The following EPHA7 variants were observed in gnomAD, a reference collection of about 807,000 sequenced individuals.
The protein encoded by EPHA7 is EPH receptor A7.
A neutral mutation model predicts 112.6 loss-of-function variants in EPHA7; 25 were observed. The observed-to-expected ratio is 0.22, with a 90% CI of 0.16 to 0.31. EPHA7 has a LOEUF of 0.31. Ranked by LOEUF, EPHA7 falls within the 10% of genes least tolerant of loss-of-function variation. EPHA7 has a pLI of 1.00. For missense variants in EPHA7, 962 were observed against 1,212.6 expected, an observed-to-expected ratio of 0.79 and a Z score of 3.07; for synonymous variants, 437 against 406.5, an observed-to-expected ratio of 1.07 and a Z score of -0.90.
intron 5 of EPHA7, among the ~76,000 whole-genome samples, chr6:93,292,819 T>C (rs2127838891): frequency 6.6e-6 from 1 of 152,280 alleles, no homozygotes; most frequent in South Asian, 2.1e-4. Context: ...CTACAGGTGA[T>C]AAGACTGGAA....
chr6:93,389,778 T>G (rs1777810368), intron 3 of EPHA7, among the ~76,000 whole-genome samples: 1 of 151,908 alleles, frequency 6.6e-6, no homozygotes, highest in African/African-American at 2.4e-5. Flanking sequence ...GATATTGGAA[T>G]CTGAGTCCAC....
At chr6:93,253,269 T>G (rs556824419) in intron 14 of EPHA7, among the ~76,000 whole-genome samples, 1 of 152,128 alleles carries the variant, frequency 6.6e-6, no homozygotes, top group Admixed American at 6.5e-5. Flanking sequence ...CATTTAGACT[T>G]TTATCTTTGA....
chr6:93,314,548 C>T (rs1447175045), intron 5 of EPHA7, among the ~76,000 whole-genome samples: 1 of 152,074 alleles, frequency 6.6e-6, no homozygotes, highest in Non-Finnish European at 1.5e-5. Context: ...CTTAGTTCAA[C>T]GAAGAGCAAC....
chr6:93,388,413 T>A (rs1331669931), intron 3 of EPHA7, among the ~76,000 whole-genome samples: 1 of 152,172 alleles, frequency 6.6e-6, no homozygotes, highest in African/African-American at 2.4e-5. Flanking sequence ...ACATTTTGGA[T>A]AAGGACATAT....
chr6:93,261,688 A>AT (rs1362059383), intron 9 of EPHA7, among the ~76,000 whole-genome samples: 1 of 151,498 alleles, frequency 6.6e-6, no homozygotes, highest in African/African-American at 2.4e-5. Flanking sequence ...TATTATTTTG[A>AT]TTTCTCATGA....
intron 5 of EPHA7, among the ~76,000 whole-genome samples, chr6:93,311,947 A>G (rs1334157384): frequency 1.3e-5 from 2 of 152,168 alleles, no homozygotes; most frequent in African/African-American, 2.4e-5. Flanking sequence ...CAGCAGTAAT[A>G]TATTAAAAGG....
In EPHA7 at chr6:93,241,072, A is replaced by C. The variant is rs1769669063; in HGVS notation, c.*2354T>G. On this transcript the variant is annotated 3_prime_UTR_variant, in exon 17 of 17. Coordinates refer to ENST00000369303, the MANE Select transcript of EPHA7 (RefSeq NM_004440.4). ...TTATTTTTGAAAAAAACTCAAAAAA[A>C]CTTTTATTCTGCCCTTCTACTCAAG... 4.8e-6 allele frequency: 1 copy of C among 208,262 alleles called. No homozygotes were observed. The highest frequency in any genetic ancestry group is 1.9e-4 in the South Asian group (1 of 5,318). The allele number at this position is 208,262 out of a possible 1,614,324, so 12.9% of individuals were successfully genotyped here. A position where few individuals can be genotyped will look rare whatever the true frequency, so the allele number is the denominator to read the frequency against.
chr6:93,243,559 C>A lies in EPHA7; in HGVS notation c.2883-19G>T. ...CACATCCCTGAAAAAGACAAATGCA[C>A]TTTTTATTAGGTACCTTACAAAGAA... On this transcript the variant is annotated intron_variant, in intron 16 of 16. Transcript: ENST00000369303. 3.9e-6 allele frequency: 6 copies of A among 1,535,330 alleles called. No homozygotes were observed. Among genetic ancestry groups the A allele is most frequent in the Non-Finnish European group, 4.5e-6 (5 of 1,108,638 alleles).
intron 5 of EPHA7, among the ~76,000 whole-genome samples, chr6:93,277,373 G>A (rs1582433459): frequency 1.3e-5 from 2 of 151,974 alleles, no homozygotes; most frequent in African/African-American, 2.4e-5. Context: ...TATTTCTAGA[G>A]TATGTAGACA....
chr6:93,369,285 C>CT (rs1388648591), intron 3 of EPHA7, among the ~76,000 whole-genome samples: 1 of 151,684 alleles, frequency 6.6e-6, no homozygotes, highest in African/African-American at 2.4e-5. Flanking sequence ...ATACTTTCTA[C>CT]TCCTTCATAA....
At chr6:93,376,908 C>T (rs1178741147) in intron 3 of EPHA7, among the ~76,000 whole-genome samples, 4 of 152,130 alleles carry the variant, frequency 2.6e-5, no homozygotes, top group African/African-American at 4.8e-5. Context: ...GCATCCCTAG[C>T]GTTCCGCATT....
At chr6:93,368,023 C>T (rs887194520) in intron 3 of EPHA7, among the ~76,000 whole-genome samples, 9 of 152,042 alleles carry the variant, frequency 5.9e-5, no homozygotes, top group African/African-American at 2.2e-4. Flanking sequence ...TTATTATTTG[C>T]ATACTGTGTA....
intron 14 of EPHA7, among the ~76,000 whole-genome samples, chr6:93,249,049 A>G (rs1176735013): frequency 2.0e-5 from 3 of 152,168 alleles, no homozygotes; most frequent in Admixed American, 6.6e-5. Flanking sequence ...TTGAACAACA[A>G]TTATGGAGAA....
intron 10 of EPHA7, among the ~76,000 whole-genome samples, chr6:93,258,848 T>A (rs1384444332): frequency 6.6e-6 from 1 of 151,470 alleles, no homozygotes; most frequent in Non-Finnish European, 1.5e-5. Flanking sequence ...GGAATTAGAA[T>A]CAGAAATGTA....
chr6:93,351,660 T>C (rs1775700502), intron 5 of EPHA7, among the ~76,000 whole-genome samples: 3 of 152,076 alleles, frequency 2.0e-5, no homozygotes, highest in South Asian at 2.1e-4. Flanking sequence ...TGTGGAGGTC[T>C]GAGAGGTCTT....
chr6:93,360,156 T>C (rs149829579), intron 3 of EPHA7, among the ~76,000 whole-genome samples: 1 of 152,036 alleles, frequency 6.6e-6, no homozygotes, highest in Non-Finnish European at 1.5e-5. Context: ...TTACTAAACA[T>C]AACAAAAATA....
chr6:93,337,903 G>A (rs989808798), intron 5 of EPHA7, among the ~76,000 whole-genome samples: 7 of 151,992 alleles, frequency 4.6e-5, no homozygotes, highest in African/African-American at 1.7e-4. Context: ...TCTGTACATA[G>A]TTCCTTACCA....
intron 3 of EPHA7, among the ~76,000 whole-genome samples, chr6:93,375,272 T>C (rs1776996863): frequency 6.6e-6 from 1 of 152,092 alleles, no homozygotes; most frequent in Admixed American, 6.6e-5. Flanking sequence ...CCAATATGTG[T>C]AACTTGAAAT....
chr6:93,380,261 T>G (rs1219364930), intron 3 of EPHA7, among the ~76,000 whole-genome samples: 1 of 151,938 alleles, frequency 6.6e-6, no homozygotes, highest in South Asian at 2.1e-4. Flanking sequence ...GACAAATACT[T>G]TGGGAGGGGG....
Sources: allele counts gnomAD v4.1 joint callset (sites outside exome capture counted in the v4.1 genomes callset), GRCh38; gene constraint gnomAD v4.1.1; transcripts MANE v1.5; gene names NCBI Gene and HGNC (gene_info 2026-07-23, HGNC 2026-07-21).